GNAL: variants seen among roughly 807,000 people sequenced by gnomAD.
GNAL encodes the protein guanine nucleotide-binding protein G(olf) subunit alpha.
Under a neutral mutation model 55.1 loss-of-function variants are expected in GNAL, and 18 were observed. The observed-to-expected ratio is 0.33, with a 90% CI of 0.23 to 0.48. The LOEUF (loss-of-function observed/expected upper bound fraction) is 0.48, where lower values mean the gene tolerates loss of function less well. Among genes scored for constraint, GNAL ranks in the 20% least tolerant of loss-of-function variants. The pLI, the probability that GNAL is intolerant of heterozygous loss-of-function variation, is 0.99. For missense variants in GNAL, 412 were observed against 614.1 expected (o/e 0.67, Z 3.48); for synonymous variants, 253 against 237.0 (o/e 1.07, Z -0.62).
At chr18:11,857,644 C>A in intron 5 of GNAL, 1 of 985,370 alleles carries the variant, frequency 1.0e-6, no homozygotes, top group East Asian at 1.1e-4. Flanking sequence ...CACTGATCAC[C>A]TGGGACATGG....
intron 7 of GNAL, among the ~76,000 whole-genome samples, chr18:11,866,482 C>T (rs2848454): frequency 0.22 from 33,188 of 149,982 alleles, 4,752 homozygotes; most frequent in South Asian, 0.28. Flanking sequence ...ACGCCTTATG[C>T]GCTGAGCAGG....
intron 1 of GNAL, among the ~76,000 whole-genome samples, chr18:11,695,819 GCTTT>G (rs2031389089): frequency 6.6e-6 from 1 of 151,936 alleles, no homozygotes; most frequent in Admixed American, 6.6e-5. Context: ...ACATTTGCTG[GCTTT>G]CTTTTGTATC....
intron 1 of GNAL, among the ~76,000 whole-genome samples, chr18:11,734,455 A>G (rs955339606): frequency 2.6e-5 from 4 of 151,480 alleles, no homozygotes; most frequent in Admixed American, 2.6e-4. Context: ...TTTTCTTTAC[A>G]GGACAGGATC....
At chr18:11,810,172 C>T (rs773290185) in intron 4 of GNAL, among the ~76,000 whole-genome samples, 12 of 152,220 alleles carry the variant, frequency 7.9e-5, no homozygotes, top group Non-Finnish European at 1.5e-4. Flanking sequence ...AGATGCATTG[C>T]TTGAGCTCAG....
At chr18:11,724,502 T>C (rs2032168987) in intron 1 of GNAL, among the ~76,000 whole-genome samples, 1 of 152,232 alleles carries the variant, frequency 6.6e-6, no homozygotes, top group African/African-American at 2.4e-5. Flanking sequence ...TTGCAAATCA[T>C]GCAGAACCAT....
At chr18:11,837,648 C>T (rs2035525426) in intron 5 of GNAL, among the ~76,000 whole-genome samples, 2 of 152,112 alleles carry the variant, frequency 1.3e-5, no homozygotes, top group South Asian at 4.1e-4. Flanking sequence ...AAATTGGGAT[C>T]CTCATATACT....
chr18:11,768,872 C>T lies in GNAL; in HGVS notation c.624+14927C>T, dbSNP rs1465800244. On this transcript the variant is annotated intron_variant, in intron 4 of 11. Coordinates refer to ENST00000334049, the MANE Select transcript of GNAL (RefSeq NM_182978.4). ...TCACGCCACTGCACTCCAACCTGGG[C>T]GACGGAGCAAGACTCTGTCTCAAAA... 1.6e-3 allele frequency among the ~76,000 whole-genome samples: 218 copies of T among 137,326 alleles called. 7 individuals are homozygous for T. The highest frequency in any genetic ancestry group is 0.014 in the Admixed American group (180 of 12,760). The allele number at this position is 137,326 out of a possible 152,430, so 90.1% of individuals were successfully genotyped here. A position where few individuals can be genotyped will look rare whatever the true frequency, so the allele number is the denominator to read the frequency against.
chr18:11,857,645 T>C, intron 5 of GNAL: 1 of 985,388 alleles, frequency 1.0e-6, no homozygotes, highest in Non-Finnish European at 1.2e-6. Flanking sequence ...ACTGATCACC[T>C]GGGACATGGT....
chr18:11,805,123 A>T (rs1426972115), intron 4 of GNAL, among the ~76,000 whole-genome samples: 1 of 105,904 alleles, frequency 9.4e-6, no homozygotes, highest in Non-Finnish European at 2.0e-5. Context: ...GAACATGGAG[A>T]TATTGTGTAG....
intron 10 of GNAL, among the ~76,000 whole-genome samples, chr18:11,875,892 G>C (rs529865282): frequency 6.6e-6 from 1 of 152,320 alleles, no homozygotes; most frequent in East Asian, 1.9e-4. Flanking sequence ...TCAGTGTCTG[G>C]TAAGGGTTTC....
chr18:11,851,601 G>C (rs1298225930), intron 5 of GNAL: 6 of 1,613,484 alleles, frequency 3.7e-6, no homozygotes, highest in Non-Finnish European at 5.1e-6. Context: ...AGGAGGAAAA[G>C]GCCGAAAAGG....
chr18:11,774,757 C>T (rs868442789), intron 4 of GNAL, among the ~76,000 whole-genome samples: 11 of 152,192 alleles, frequency 7.2e-5, no homozygotes, highest in African/African-American at 2.7e-4. Context: ...TTAAGAATCA[C>T]GGGTCCAGGT....
At chr18:11,742,199 C>T (rs2143481326) in intron 1 of GNAL, among the ~76,000 whole-genome samples, 1 of 152,352 alleles carries the variant, frequency 6.6e-6, no homozygotes, top group Admixed American at 6.5e-5. Flanking sequence ...GTGTCACAGG[C>T]CCTCAGTGAG....
At chr18:11,839,642 A>C (rs1223491729) in intron 5 of GNAL, among the ~76,000 whole-genome samples, 2 of 152,166 alleles carry the variant, frequency 1.3e-5, no homozygotes, top group African/African-American at 4.8e-5. Flanking sequence ...CAATTGGGCA[A>C]AAAGTGGAAA....
At chr18:11,851,924 G>C in intron 5 of GNAL, 5 of 1,613,884 alleles carry the variant, frequency 3.1e-6, no homozygotes, top group Non-Finnish European at 4.2e-6. Context: ...ACGATGAGCA[G>C]CACGACGACG....
chr18:11,772,439 C>A (rs1022743994), intron 4 of GNAL, among the ~76,000 whole-genome samples: 1 of 152,172 alleles, frequency 6.6e-6, no homozygotes, highest in African/African-American at 2.4e-5. Context: ...ATCAGTTTGC[C>A]CCCAGTGCCG....
At chr18:11,835,993 A>T (rs561344590) in intron 5 of GNAL, among the ~76,000 whole-genome samples, 3 of 152,210 alleles carry the variant, frequency 2.0e-5, no homozygotes, top group Non-Finnish European at 2.9e-5. Flanking sequence ...AATAATTTTT[A>T]AAAATTAGCT....
intron 5 of GNAL, among the ~76,000 whole-genome samples, chr18:11,845,027 G>A (rs1462942499): frequency 4.6e-5 from 7 of 151,956 alleles, no homozygotes; most frequent in East Asian, 1.9e-4. Flanking sequence ...CACCACACCC[G>A]GCTGATTTTT....
At position 11,706,324 on chromosome 18, in the gene GNAL, T is replaced by TA. The variant is rs200816100; in HGVS notation, c.376+16393dup. On this transcript the variant is annotated intron_variant, in intron 1 of 11. Transcript: ENST00000334049. ...TTAAATGTGCAATCACATCATGTCT[T>TA]AAAAAAAAGCACACCTTAATTTAAA... 6.2e-3 allele frequency among the ~76,000 whole-genome samples: 935 copies of TA among 151,876 alleles called. 4 individuals carry two copies. Among genetic ancestry groups the TA allele is most frequent in the African/African-American group, 0.021 (872 of 41,416 alleles).
Sources: gnomAD v4.1 joint callset for allele counts (sites outside exome capture counted in the v4.1 genomes callset) on GRCh38, gnomAD v4.1.1 for gene constraint, MANE v1.5 for transcripts, NCBI Gene and HGNC (gene_info 2026-07-23, HGNC 2026-07-21) for gene names.